Variants in NLRC5 observed in about 807,000 individuals in gnomAD.
NLRC5 encodes the protein NLR family CARD domain containing 5, also known as protein NLRC5.
NLRC5 carries 114 observed loss-of-function variants against 206.9 expected under a neutral mutation model. That is an observed-to-expected ratio of 0.55 (90% CI 0.47 to 0.64). NLRC5 has a LOEUF of 0.64. NLRC5 is among the 30% of genes least tolerant of loss of function. The pLI, the probability that NLRC5 is intolerant of heterozygous loss-of-function variation, is 0.00. For missense variants in NLRC5, 2,008 were observed against 2,305.5 expected, an observed-to-expected ratio of 0.87 and a Z score of 2.64; for synonymous variants, 952 against 962.8, an observed-to-expected ratio of 0.99 and a Z score of 0.21.
chr16:57,068,780 G>T (rs1429247623), intron 36 of NLRC5, among the ~76,000 whole-genome samples: 1 of 152,156 alleles, frequency 6.6e-6, no homozygotes, highest in African/African-American at 2.4e-5. Context: ...ATCCAATCCA[G>T]GATCACACGT....
intron 8 of NLRC5, among the ~76,000 whole-genome samples, chr16:57,029,501 C>T (rs1439360561): frequency 1.3e-5 from 2 of 152,178 alleles, no homozygotes; most frequent in East Asian, 1.9e-4. Flanking sequence ...CCTCATTGTG[C>T]CTCATGAAGA....
At chr16:57,021,211 G>T in intron 3 of NLRC5, 1 of 538,170 alleles carries the variant, frequency 1.9e-6, no homozygotes, top group Non-Finnish European at 3.3e-6. Flanking sequence ...CTTCTACCTG[G>T]CTTCACTCGA....
Position 57,026,195 on chromosome 16 carries a change from C to T in NLRC5, c.1252C>T (p.His418Tyr). 6.2e-7 allele frequency: 1 copy of T among 1,613,786 alleles called. No homozygotes were observed. Among genetic ancestry groups the T allele is most frequent in the Non-Finnish European group, 8.5e-7 (1 of 1,180,034 alleles). The change falls in exon 6 of 49, where the codon CAT becomes TAT. Residue 418 changes from histidine (H) to tyrosine (Y), a missense_variant. By Grantham distance (83) the His-to-Tyr change is moderately conservative. Coordinates refer to ENST00000688547, the MANE Select transcript of NLRC5 (RefSeq NM_001384950.1). Reference sequence around the variant, plus strand: ...CCAAGTCGCCTGTCTCTGCCTCCACCATCTGCTTCCTGACCACGCCCCAGG... The same window carrying T: ...CCAAGTCGCCTGTCTCTGCCTCCACTATCTGCTTCCTGACCACGCCCCAGG... ...LCQVACLCLH[H>Y]LLPDHAPGQS...
chr16:57,010,171 C>T (rs1332036659), intron 1 of NLRC5, among the ~76,000 whole-genome samples: 1 of 152,134 alleles, frequency 6.6e-6, no homozygotes, highest in Non-Finnish European at 1.5e-5. Flanking sequence ...AATTTTGAAA[C>T]GCACATGAGG....
At chr16:57,040,544 T>C (rs550929681) in intron 16 of NLRC5, 106 bp from the exon 17 acceptor site, 402 of 1,088,868 alleles carry the variant, frequency 3.7e-4, no homozygotes, top group Non-Finnish European at 5.1e-4. Flanking sequence ...TCTGATTGAC[T>C]CTAGGTGGAG....
In NLRC5 at chr16:57,013,412, A is replaced by AT. The variant is rs571382948; in HGVS notation, c.-127-3656dup. 125 of 639,380 alleles carry AT rather than the reference A, an allele frequency of 2.0e-4. No individual in the cohort carries two copies. The East Asian group carries it at 2.1e-3, about 11-fold the overall frequency. 39.6% of individuals were successfully genotyped at this position (639,380 alleles called of 1,614,324 possible). ...TGTTGAACAATTTCTTATTTTGAAG[A>AT]TTTTTTCTGATAAGTTCCAAAGTGT... On this transcript the variant is annotated intron_variant, in intron 1 of 48. Coordinates refer to ENST00000688547, the MANE Select transcript of NLRC5 (RefSeq NM_001384950.1).
At chr16:57,069,364 A>G (rs1313422360) in intron 36 of NLRC5, among the ~76,000 whole-genome samples, 1 of 152,142 alleles carries the variant, frequency 6.6e-6, no homozygotes, top group Non-Finnish European at 1.5e-5. Context: ...TGGGAGGCCG[A>G]GGAGGAAAAA....
intron 47 of NLRC5, 92 bp from the exon 48 acceptor site, chr16:57,081,435 G>C: frequency 8.2e-7 from 1 of 1,225,388 alleles, no homozygotes; most frequent in East Asian, 2.3e-5. Context: ...TGTGTCCCCT[G>C]ACCTTGGCCT....
At chr16:57,013,419 C>T in intron 1 of NLRC5, 1 of 642,872 alleles carries the variant, frequency 1.6e-6, no homozygotes, top group Non-Finnish European at 2.9e-6. Context: ...AAGATTTTTT[C>T]TGATAAGTTC....
At chr16:56,995,044 C>T (rs139219451) in intron 1 of NLRC5, among the ~76,000 whole-genome samples, 13 of 152,096 alleles carry the variant, frequency 8.5e-5, no homozygotes, top group Admixed American at 6.5e-4. Context: ...TGTGGTGGCA[C>T]GTGACTGTAA....
chr16:57,022,321 G>A lies in NLRC5; in HGVS notation c.355+6G>A, dbSNP rs1278080077. 3 of 1,607,440 alleles carry A rather than the reference G, an allele frequency of 1.9e-6. No homozygotes were observed. The highest frequency in any genetic ancestry group is 8.5e-7 in the Non-Finnish European group (1 of 1,174,710). On this transcript the variant is annotated splice_donor_region_variant and intron_variant, in intron 4 of 48. Transcript: ENST00000688547. ...TGAATCTCAGCTCCACCATGGTGAGGACTGGAGTTGGGGGGTGGGAAGGGG... is the reference window on the plus strand; with the variant it reads ...TGAATCTCAGCTCCACCATGGTGAGAACTGGAGTTGGGGGGTGGGAAGGGG...
Position 57,077,969 on chromosome 16 carries a change from C to A in NLRC5, c.5030C>A (p.Pro1677His). The A allele has an allele frequency of 1.2e-6, 2 of 1,612,836 alleles. No individual in the cohort carries two copies. Among genetic ancestry groups the A allele is most frequent in the Non-Finnish European group, 1.7e-6 (2 of 1,179,336 alleles). Residue 1677 changes from proline (P) to histidine (H), a missense_variant, in exon 43 of 49, where the codon CCC becomes CAC. Transcript: ENST00000688547. ...CTTGGCTGCAATGCCCTGGGGGATC[C>A]CACAGCCCTGGGGCTGGCTCAGGAG... The part of the protein sequence containing the change: ...LMLGCNALGD[P>H]TALGLAQELP...
At chr16:56,999,216 C>T (rs2142249714) in intron 1 of NLRC5, among the ~76,000 whole-genome samples, 1 of 152,348 alleles carries the variant, frequency 6.6e-6, no homozygotes, top group South Asian at 2.1e-4. Context: ...CTAATACCCT[C>T]CTATTAGGGG....
chr16:57,042,060 C>T lies in NLRC5; in HGVS notation c.3108C>T (p.Ser1036=), dbSNP rs2063345184. 6 of 1,547,402 alleles carry T rather than the reference C, an allele frequency of 3.9e-6. No individual in the cohort carries two copies. In the South Asian group the frequency reaches 6.1e-5, roughly 16 times the overall value. Residue 1036 remains serine (S), a synonymous_variant, in exon 19 of 49, where the codon TCC becomes TCT. Coordinates refer to ENST00000688547, the MANE Select transcript of NLRC5 (RefSeq NM_001384950.1). The part of the protein sequence containing the change: ...QLLPGLGALQ[S]LNLSENGLSL... ...TCCCAGGGCTGGGAGCTCTGCAGTCCTTGAAGTGAGTAGCCCGCTAGGCAG... is the reference window on the plus strand; with the variant it reads ...TCCCAGGGCTGGGAGCTCTGCAGTCTTTGAAGTGAGTAGCCCGCTAGGCAG...
At chr16:57,062,374 C>T (rs2066621777) in intron 32 of NLRC5, 1 of 331,654 alleles carries the variant, frequency 3.0e-6, no homozygotes, top group Non-Finnish European at 5.8e-6. Context: ...CTTTTGGGAT[C>T]CAGGATCTGT....
intron 21 of NLRC5, among the ~76,000 whole-genome samples, chr16:57,045,952 C>A (rs1159898234): frequency 6.6e-6 from 1 of 152,238 alleles, no homozygotes; most frequent in East Asian, 1.9e-4. Flanking sequence ...TTTAGCTCTT[C>A]ATGATGTTCC....
intron 2 of NLRC5, among the ~76,000 whole-genome samples, chr16:57,018,617 C>T (rs182466983): frequency 6.6e-4 from 100 of 152,264 alleles, no homozygotes; most frequent in Middle Eastern, 3.4e-3. Flanking sequence ...AACCCCAGGA[C>T]GCATAGTACT....
chr16:57,020,074 G>A (rs1201152565), intron 2 of NLRC5, among the ~76,000 whole-genome samples: 3 of 151,990 alleles, frequency 2.0e-5, no homozygotes, highest in African/African-American at 4.8e-5. Flanking sequence ...AGACTCCATG[G>A]AGAGGCCACT....
chr16:57,043,464 A>G, intron 19 of NLRC5, 51 bp from the exon 20 acceptor site: 1 of 1,260,220 alleles, frequency 7.9e-7, no homozygotes, highest in Non-Finnish European at 1.2e-6. Flanking sequence ...CACAAAGAGG[A>G]TGTGTTTGGG....
Sources: allele counts gnomAD v4.1 joint callset (sites outside exome capture counted in the v4.1 genomes callset), GRCh38; gene constraint gnomAD v4.1.1; transcripts MANE v1.5; gene names NCBI Gene and HGNC (gene_info 2026-07-23, HGNC 2026-07-21).